The following VPS54 variants were observed in gnomAD, a reference collection of about 807,000 sequenced individuals.
The protein encoded by VPS54 is vacuolar protein sorting-associated protein 54.
VPS54 carries 45 observed loss-of-function variants against 121.5 expected under a neutral mutation model. The observed-to-expected ratio is 0.37, with a 90% CI of 0.29 to 0.47. The LOEUF is 0.47. Ranked by LOEUF, VPS54 falls within the 20% of genes least tolerant of loss-of-function variation. The pLI is 0.99. For missense variants in VPS54, 1,090 were observed against 1,131.4 expected, an observed-to-expected ratio of 0.96 and a Z score of 0.52; for synonymous variants, 371 against 385.8, an observed-to-expected ratio of 0.96 and a Z score of 0.45.
chr2:63,959,493 G>T (rs921607530), intron 7 of VPS54, among the ~76,000 whole-genome samples: 3 of 152,094 alleles, frequency 2.0e-5, no homozygotes, highest in African/African-American at 7.2e-5. Flanking sequence ...TGTTTTACAT[G>T]AAGAAATAAC....
At chr2:63,947,984 G>GCAC (rs1179717563) in intron 8 of VPS54, among the ~76,000 whole-genome samples, 1 of 152,042 alleles carries the variant, frequency 6.6e-6, no homozygotes, top group African/African-American at 2.4e-5. Context: ...CTAGAGGCAT[G>GCAC]CACCACCACA....
intron 20 of VPS54, among the ~76,000 whole-genome samples, chr2:63,903,388 A>G (rs1480546321): frequency 6.6e-6 from 1 of 152,242 alleles, no homozygotes; most frequent in African/African-American, 2.4e-5. Flanking sequence ...TACATTCACA[A>G]GAAATATGAG....
intron 1 of VPS54, among the ~76,000 whole-genome samples, chr2:64,003,933 G>C (rs995781689): frequency 6.6e-6 from 1 of 152,058 alleles, no homozygotes; most frequent in Admixed American, 6.6e-5. Context: ...AAAAGAACCA[G>C]GACTCTTTGA....
At chr2:63,943,755 T>TA (rs1674848802) in intron 10 of VPS54, among the ~76,000 whole-genome samples, 1 of 145,252 alleles carries the variant, frequency 6.9e-6, no homozygotes, top group Non-Finnish European at 1.5e-5. Flanking sequence ...GACAGGCTCT[T>TA]ACTTCCTTGT....
intron 12 of VPS54, among the ~76,000 whole-genome samples, chr2:63,922,163 A>G (rs901938212): frequency 2.0e-5 from 3 of 152,246 alleles, no homozygotes; most frequent in Admixed American, 6.5e-5. Flanking sequence ...AGGAGTATTT[A>G]TAAGACATAA....
At chr2:63,983,807 T>C (rs1676913443) in intron 2 of VPS54, 57 bp downstream of exon 2, 2 of 1,526,484 alleles carry the variant, frequency 1.3e-6, no homozygotes, top group East Asian at 2.3e-5. Flanking sequence ...ACCTGACTAC[T>C]CATTTAAAGA....
chr2:63,929,527 G>A (rs1190995449), intron 12 of VPS54, among the ~76,000 whole-genome samples: 1 of 152,136 alleles, frequency 6.6e-6, no homozygotes, highest in Non-Finnish European at 1.5e-5. Flanking sequence ...TGTGTAGAGG[G>A]AAATTTATAG....
chr2:63,905,774 A>G (rs987054499), intron 20 of VPS54, among the ~76,000 whole-genome samples: 3 of 152,092 alleles, frequency 2.0e-5, no homozygotes, highest in Non-Finnish European at 2.9e-5. Flanking sequence ...ATACCCCTCC[A>G]CCACACAAAA....
chr2:63,894,853 G>T (rs759147785), intron 22 of VPS54, among the ~76,000 whole-genome samples: 6 of 151,976 alleles, frequency 3.9e-5, no homozygotes, highest in Admixed American at 6.6e-5. Context: ...TTACAAAACA[G>T]CACTACATAT....
At chr2:63,896,853 A>C (rs918226600) in intron 22 of VPS54, among the ~76,000 whole-genome samples, 1 of 152,138 alleles carries the variant, frequency 6.6e-6, no homozygotes, top group African/African-American at 2.4e-5. Context: ...TCTTCAAAAA[A>C]TCCTATTAAG....
chr2:63,971,127 A>G (rs1676267993), intron 4 of VPS54, among the ~76,000 whole-genome samples: 1 of 152,140 alleles, frequency 6.6e-6, no homozygotes, highest in South Asian at 2.1e-4. Context: ...ATTTTGCTCC[A>G]TTACCAATAA....
At chr2:63,943,638 T>C (rs1284935966) in intron 10 of VPS54, among the ~76,000 whole-genome samples, 1 of 152,092 alleles carries the variant, frequency 6.6e-6, no homozygotes, top group Non-Finnish European at 1.5e-5. Flanking sequence ...TAAATATCCA[T>C]ATGAACAAGA....
intron 1 of VPS54, among the ~76,000 whole-genome samples, chr2:64,011,130 T>C (rs1678408299): frequency 6.6e-6 from 1 of 152,248 alleles, no homozygotes; most frequent in African/African-American, 2.4e-5. Context: ...ACAAATGCTA[T>C]TTCATGTGAT....
chr2:63,947,255 A>G (rs1030681105), intron 9 of VPS54, 128 bp downstream of exon 9: 14 of 917,302 alleles, frequency 1.5e-5, no homozygotes, highest in Non-Finnish European at 2.1e-5. Flanking sequence ...TCATTTTTCT[A>G]AATTTTCAGT....
chr2:63,993,311 G>A (rs1051689706), intron 1 of VPS54, among the ~76,000 whole-genome samples: 7 of 152,008 alleles, frequency 4.6e-5, no homozygotes, highest in Non-Finnish European at 7.4e-5. Flanking sequence ...TCTATGCTGC[G>A]GGGAGATTCC....
chr2:63,975,042 G>A (rs947966450), intron 3 of VPS54: 6 of 1,548,074 alleles, frequency 3.9e-6, no homozygotes, highest in East Asian at 2.4e-5. Context: ...CAGAGTTTTT[G>A]TAGATTTTTT....
intron 1 of VPS54, among the ~76,000 whole-genome samples, chr2:64,001,791 A>G (rs55977137): frequency 0.072 from 10,976 of 151,638 alleles, 830 homozygotes; most frequent in African/African-American, 0.19. Context: ...GAAGGTAGGG[A>G]TATCTTTTAG....
chr2:63,966,228 T>G (rs997347607), intron 5 of VPS54, among the ~76,000 whole-genome samples: 2 of 152,226 alleles, frequency 1.3e-5, no homozygotes, highest in African/African-American at 2.4e-5. Context: ...TACATGATCA[T>G]ACTCACTCAT....
At chr2:63,968,487 G>A (rs915423167) in intron 5 of VPS54, among the ~76,000 whole-genome samples, 1 of 151,536 alleles carries the variant, frequency 6.6e-6, no homozygotes, top group Non-Finnish European at 1.5e-5. Context: ...TGAGGTGGAC[G>A]GATCACTTGA....
Sources: gnomAD v4.1 joint callset for allele counts (sites outside exome capture counted in the v4.1 genomes callset) on GRCh38, gnomAD v4.1.1 for gene constraint, MANE v1.5 for transcripts, NCBI Gene and HGNC (gene_info 2026-07-23, HGNC 2026-07-21) for gene names.